CTSH: variants seen among roughly 807,000 people sequenced by gnomAD.
CTSH encodes cathepsin H, also known as pro-cathepsin H.
In CTSH, 52 loss-of-function variants were observed where a neutral mutation model predicts 56.3. The observed-to-expected ratio is 0.92, with a 90% CI of 0.74 to 1.16. CTSH has a LOEUF of 1.16. Ranked by LOEUF, CTSH falls within the 50% of genes most tolerant of loss-of-function variation. The pLI is 0.00. For missense variants in CTSH, 406 were observed against 424.5 expected (o/e 0.96, Z 0.38); for synonymous variants, 174 against 155.7 (o/e 1.12, Z -0.88).
Position 78,922,019 on chromosome 15 carries a change from T to TG in CTSH, c.*110dup, listed in dbSNP as rs932695611. ...GGGCACAGAGGTGAGGGCAGAATGT[T>TG]GGGGGTCCCAGTGGATCTCCCCACA... is the stretch of plus-strand genomic sequence containing the variant. On this transcript the variant is annotated 3_prime_UTR_variant, in exon 12 of 12. Transcript: ENST00000220166. The TG allele has an allele frequency of 2.2e-5, 22 of 979,370 alleles. No individual in the cohort carries two copies. The highest frequency in any genetic ancestry group is 1.9e-4 in the African/African-American group (12 of 62,268). The allele number at this position is 979,370 out of a possible 1,614,324, so 60.7% of individuals were successfully genotyped here. A position where few individuals can be genotyped will look rare whatever the true frequency, so the allele number is the denominator to read the frequency against.
At position 78,931,888 on chromosome 15, in the gene CTSH, C is replaced by A. The variant is rs116839670; in HGVS notation, c.493-382G>T. The stretch of plus-strand genomic sequence containing the variant: ...CCCCACCTGTCCACAACCCAGGGTC[C>A]TCATGGCATCACCAGGCCGGCTGTG... On this transcript the variant is annotated intron_variant, in intron 6 of 11. Coordinates refer to ENST00000220166, the MANE Select transcript of CTSH (RefSeq NM_004390.5). 1,991 of 1,221,268 alleles carry A rather than the reference C, an allele frequency of 1.6e-3. 30 individuals carry two copies. The African/African-American group carries it at 0.029, about 18-fold the overall frequency. 75.7% of individuals were successfully genotyped at this position (1,221,268 alleles called of 1,614,324 possible). A position where few individuals can be genotyped will look rare whatever the true frequency, so the allele number is the denominator to read the frequency against.
intron 7 of CTSH, 40 bp from the exon 8 acceptor site, chr15:78,929,533 C>A (rs1489553111): frequency 6.8e-7 from 1 of 1,477,318 alleles, no homozygotes. Flanking sequence ...CTGGGGCTGT[C>A]CTGATAGAGG....
intron 1 of CTSH, among the ~76,000 whole-genome samples, chr15:78,940,512 G>A (rs1228701923): frequency 1.3e-5 from 2 of 150,524 alleles, no homozygotes; most frequent in Admixed American, 6.6e-5. Context: ...ATTCCTGCCT[G>A]GGTGACAGGA....
intron 7 of CTSH, among the ~76,000 whole-genome samples, chr15:78,930,212 GA>G (rs2055020985): frequency 6.6e-6 from 1 of 152,180 alleles, no homozygotes; most frequent in Non-Finnish European, 1.5e-5. Flanking sequence ...GTACTGTCCT[GA>G]ACCAAAGCAA....
At chr15:78,927,542 TCTC>T in intron 9 of CTSH, 168 bp downstream of exon 9, 1 of 613,914 alleles carries the variant, frequency 1.6e-6, no homozygotes, top group South Asian at 2.0e-5. Flanking sequence ...CTCCCTCCCA[TCTC>T]CTGCCTCGCC....
intron 7 of CTSH, among the ~76,000 whole-genome samples, chr15:78,929,854 C>T (rs2055010199): frequency 6.6e-6 from 1 of 152,210 alleles, no homozygotes; most frequent in Non-Finnish European, 1.5e-5. Flanking sequence ...CTCCCTGACC[C>T]CTCGTGTCGA....
chr15:78,931,556 G>C, intron 6 of CTSH, 50 bp from the exon 7 acceptor site: 1 of 1,613,904 alleles, frequency 6.2e-7, no homozygotes, highest in Non-Finnish European at 8.5e-7. Context: ...AGCCGTCAAG[G>C]CTTTGGCGTG....
intron 7 of CTSH, among the ~76,000 whole-genome samples, chr15:78,930,117 C>T (rs539547944): frequency 1.4e-4 from 22 of 152,380 alleles, no homozygotes; most frequent in African/African-American, 4.3e-4. Context: ...AATGCCCGCT[C>T]TTCCAGTTCT....
intron 10 of CTSH, among the ~76,000 whole-genome samples, chr15:78,923,854 T>C (rs1279943127): frequency 6.6e-6 from 1 of 152,128 alleles, no homozygotes; most frequent in East Asian, 1.9e-4. Context: ...CATAAGGAAA[T>C]TCCAAGAAAT....
intron 7 of CTSH, among the ~76,000 whole-genome samples, chr15:78,929,705 A>T (rs2055005578): frequency 1.3e-5 from 2 of 152,132 alleles, no homozygotes; most frequent in African/African-American, 4.8e-5. Flanking sequence ...CAGCCCAAAC[A>T]TGCCTCAGTG....
In CTSH at chr15:78,922,214, A is replaced by AAAGAGGAGCTGAGGCCC. The variant is rs767585999; in HGVS notation, c.933-26_933-10dup. 6.4e-5 allele frequency: 100 copies of AAAGAGGAGCTGAGGCCC among 1,568,612 alleles called. No individual in the cohort carries two copies. The highest frequency in any genetic ancestry group is 7.7e-5 in the Non-Finnish European group (89 of 1,157,090). ...GCTCGATGAGGAAGTACCTGGGCAG[A>AAAGAGGAGCTGAGGCCC]AAGAGGAGCTGAGGCCCGGCCGGCG... On this transcript the variant is annotated splice_polypyrimidine_tract_variant and intron_variant, in intron 11 of 11. Transcript: ENST00000220166.
intron 2 of CTSH, 29 bp from the exon 3 acceptor site, chr15:78,937,452 A>G: frequency 6.3e-7 from 1 of 1,587,428 alleles, no homozygotes; most frequent in Non-Finnish European, 8.6e-7. Context: ...GTAGCAAGTC[A>G]TGGAAACAGG....
intron 2 of CTSH, among the ~76,000 whole-genome samples, chr15:78,938,838 G>GTT (rs34778376): frequency 2.0e-5 from 3 of 151,858 alleles, no homozygotes; most frequent in African/African-American, 7.3e-5. Flanking sequence ...CCTCCATACT[G>GTT]TTTTTTTTAC....
At position 78,937,869 on chromosome 15, in the gene CTSH, A is replaced by G. The variant is rs982143155; in HGVS notation, c.124-446T>C. 5 of 1,184,900 alleles carry G rather than the reference A, an allele frequency of 4.2e-6. No homozygotes were observed. The African/African-American group carries it at 7.8e-5, about 19-fold the overall frequency. 73.4% of individuals were successfully genotyped at this position (1,184,900 alleles called of 1,614,324 possible). On this transcript the variant is annotated intron_variant, in intron 2 of 11. Transcript: ENST00000220166. ...TTTTTTATTGATATATAACTGATGT[A>G]CTTTTTTTGGTAAATGTAATATTTC... is the stretch of plus-strand genomic sequence containing the variant.
chr15:78,929,538 T>TA (rs2055000630), intron 7 of CTSH, 45 bp from the exon 8 acceptor site: 2 of 1,422,152 alleles, frequency 1.4e-6, no homozygotes, highest in South Asian at 2.4e-5. Context: ...GCTGTCCTGA[T>TA]AGAGGCGGGG....
In CTSH at chr15:78,931,444, G is replaced by C; in HGVS notation, c.548+7C>G. ...AAGTTTTGGGCCCCTTCTGGTCAGA[G>C]ACGTACCCTTGGCAGCCGTGATTAT... is the stretch of plus-strand genomic sequence containing the variant. On this transcript the variant is annotated splice_region_variant and intron_variant, in intron 7 of 11. Transcript: ENST00000220166. The C allele has an allele frequency of 6.2e-7, 1 of 1,614,212 alleles. No homozygotes were observed. Among genetic ancestry groups the C allele is most frequent in the African/African-American group, 1.3e-5 (1 of 75,050 alleles).
At position 78,923,124 on chromosome 15, in the gene CTSH, A is replaced by G; in HGVS notation, c.807-6T>C. The G allele has an allele frequency of 1.9e-6, 3 of 1,612,684 alleles. No individual in the cohort carries two copies. The highest frequency in any genetic ancestry group is 2.5e-6 in the Non-Finnish European group (3 of 1,179,674). ...GAGTTTTATGGCAGGAAGTACTGGAAAACAAAATTCAAAAAGAGGTGATCA... is the reference window on the plus strand; with the variant it reads ...GAGTTTTATGGCAGGAAGTACTGGAGAACAAAATTCAAAAAGAGGTGATCA... On this transcript the variant is annotated splice_region_variant and splice_polypyrimidine_tract_variant and intron_variant, in intron 10 of 11. Coordinates refer to ENST00000220166, the MANE Select transcript of CTSH (RefSeq NM_004390.5).
intron 5 of CTSH, among the ~76,000 whole-genome samples, chr15:78,934,578 C>T (rs553360771): frequency 1.2e-4 from 19 of 152,296 alleles, no homozygotes; most frequent in South Asian, 4.1e-4. Context: ...CAGAGGGAGG[C>T]GGCCAGCCAG....
chr15:78,939,039 G>GAAATTCCC (rs1331648155), intron 2 of CTSH, 101 bp downstream of exon 2: 3 of 1,143,228 alleles, frequency 2.6e-6, no homozygotes, highest in Non-Finnish European at 2.6e-6. Flanking sequence ...GGCAAAGTTG[G>GAAATTCCC]AAATTCCCTT....
Sources: gnomAD v4.1 joint callset for allele counts (sites outside exome capture counted in the v4.1 genomes callset) on GRCh38, gnomAD v4.1.1 for gene constraint, MANE v1.5 for transcripts, NCBI Gene and HGNC (gene_info 2026-07-23, HGNC 2026-07-21) for gene names.